The following MTR variants were observed in gnomAD, a reference collection of about 807,000 sequenced individuals.
MTR encodes the protein methionine synthase.
In MTR, 84 loss-of-function variants were observed where a neutral mutation model predicts 154.8. The ratio of observed to expected loss-of-function variants is 0.54; its 90% CI spans 0.45 to 0.65. The LOEUF (loss-of-function observed/expected upper bound fraction) is 0.65, where lower values mean the gene tolerates loss of function less well. Ranked by LOEUF, MTR falls within the 30% of genes least tolerant of loss-of-function variation. The probability of loss-of-function intolerance (pLI) is 0.00; values close to 1 mark genes in which losing one functional copy is unlikely to be tolerated. For synonymous variants in MTR, 554 were observed against 553.9 expected (o/e 1.00, Z 0.00); for missense variants, 1,275 against 1,570.2 (o/e 0.81, Z 3.18).
rs1240013624 is a variant in MTR, at chr1:236,826,909, T to A, written c.995+13T>A. 1 of 1,604,342 alleles carries A rather than the reference T, an allele frequency of 6.2e-7. No homozygotes were observed. The highest frequency in any genetic ancestry group is 1.7e-5 in the Admixed American group (1 of 59,994). On this transcript the variant is annotated intron_variant, in intron 11 of 32. Coordinates refer to ENST00000366577, the MANE Select transcript of MTR (RefSeq NM_000254.3). ...CAGATCATATCAGGTAATAATCACC[T>A]ATAGACAATATATCTAAAACCAAGT...
At chr1:236,855,105 A>G (rs533475920) in intron 18 of MTR, among the ~76,000 whole-genome samples, 1 of 152,298 alleles carries the variant, frequency 6.6e-6, no homozygotes, top group South Asian at 2.1e-4. Context: ...ATTCCTTAGG[A>G]TGCGCTGAGT....
intron 18 of MTR, among the ~76,000 whole-genome samples, chr1:236,854,456 G>A (rs569695547): frequency 1.1e-4 from 16 of 152,270 alleles, no homozygotes; most frequent in African/African-American, 3.6e-4. Context: ...CACATAGAGT[G>A]CTTAGCCCTG....
chr1:236,861,833 A>G (rs532669257), intron 20 of MTR, among the ~76,000 whole-genome samples: 2 of 152,212 alleles, frequency 1.3e-5, no homozygotes, highest in Non-Finnish European at 2.9e-5. Context: ...TCTTGCCTTA[A>G]TGTAAGACTG....
chr1:236,861,099 T>TTTTTTTTTTTTTTTTTC (rs1332435734), intron 19 of MTR, 26 bp from the exon 20 acceptor site: 1 of 984,000 alleles, frequency 1.0e-6, no homozygotes, highest in Non-Finnish European at 1.4e-6. Context: ...TTCTTTTTCT[T>TTTTTTTTTTTTTTTTTC]TTTTTTTTTT....
chr1:236,838,444 G>T lies in MTR; in HGVS notation c.1360G>T (p.Ala454Ser). The change falls in exon 15 of 33, where the codon GCT (alanine) becomes TCT (serine). Residue 454 changes from alanine (A) to serine (S), a missense_variant. By Grantham distance (99) the Ala-to-Ser change is moderately conservative. Coordinates refer to ENST00000366577, the MANE Select transcript of MTR (RefSeq NM_000254.3). Reference sequence around the variant, plus strand: ...TTTGTGCATCGACTCCTCCAATTTTGCTGTGATTGAAGCTGGGTTAAAGTG... The same window carrying T: ...TTTGTGCATCGACTCCTCCAATTTTTCTGTGATTGAAGCTGGGTTAAAGTG... ...VPLCIDSSNF[A>S]VIEAGLKCCQ... The T allele has an allele frequency of 6.2e-7, 1 of 1,614,064 alleles. No homozygotes were observed. The highest frequency in any genetic ancestry group is 1.1e-5 in the South Asian group (1 of 91,070).
chr1:236,808,085 T>A (rs1343253671), intron 3 of MTR, among the ~76,000 whole-genome samples: 1 of 152,210 alleles, frequency 6.6e-6, no homozygotes, highest in Non-Finnish European at 1.5e-5. Flanking sequence ...GTCTAGTTTC[T>A]CCTGACTTGG....
intron 26 of MTR, among the ~76,000 whole-genome samples, 156 bp from the exon 27 acceptor site, chr1:236,886,136 G>A (rs1665997304): frequency 6.6e-6 from 1 of 152,340 alleles, no homozygotes; most frequent in African/African-American, 2.4e-5. Context: ...GAAACCGACT[G>A]GGTAGAAAAG....
chr1:236,835,693 A>G lies in MTR; in HGVS notation c.1329+6A>G, dbSNP rs1321512093. ...CCGAGCCAGACATCGCAAAGGTTATACAAAGTTTATGTTTATCAGGGGGAT... is the reference window on the plus strand; with the variant it reads ...CCGAGCCAGACATCGCAAAGGTTATGCAAAGTTTATGTTTATCAGGGGGAT... On this transcript the variant is annotated splice_donor_region_variant and intron_variant, in intron 14 of 32. Transcript: ENST00000366577. 3 of 1,613,178 alleles carry G rather than the reference A, an allele frequency of 1.9e-6. No individual in the cohort carries two copies. Among genetic ancestry groups the G allele is most frequent in the Admixed American group, 3.3e-5 (2 of 59,862 alleles).
chr1:236,799,367 C>T (rs1348473799), intron 1 of MTR, among the ~76,000 whole-genome samples: 1 of 152,010 alleles, frequency 6.6e-6, no homozygotes, highest in Non-Finnish European at 1.5e-5. Flanking sequence ...CAGTGATCCA[C>T]CTACTTTGGT....
Position 236,895,550 on chromosome 1 carries a change from G to A in MTR, c.3598G>A (p.Gly1200Ser), listed in dbSNP as rs1430971744. 2 of 1,566,614 alleles carry A rather than the reference G, an allele frequency of 1.3e-6. No homozygotes were observed. Among genetic ancestry groups the A allele is most frequent in the African/African-American group, 1.4e-5 (1 of 73,726 alleles). Residue 1200 changes from glycine (G) to serine (S), a missense_variant and splice_region_variant, in exon 31 of 33, where the codon GGC becomes AGC. Physicochemically the swap from Gly to Ser is moderately conservative, Grantham distance 56. Coordinates refer to ENST00000366577, the MANE Select transcript of MTR (RefSeq NM_000254.3). ...ACTCGCAGACATCGAGCAGTCTACA[G>A]GTAGGAGCCAGGAGGCTGCGGGTTC... ...WRLADIEQST[G>S]IRLTESLAMA...
In MTR at chr1:236,835,680, T is replaced by C; in HGVS notation, c.1322T>C (p.Ile441Thr). Residue 441 changes from isoleucine to threonine, a missense_variant, in exon 14 of 33, where the codon ATC (isoleucine) becomes ACC (threonine). Coordinates refer to ENST00000366577, the MANE Select transcript of MTR (RefSeq NM_000254.3). Reference sequence around the variant, plus strand: ...AACTTAATTGCTTCCGAGCCAGACATCGCAAAGGTTATACAAAGTTTATGT... The same window carrying C: ...AACTTAATTGCTTCCGAGCCAGACACCGCAAAGGTTATACAAAGTTTATGT... Reference protein sequence around the residue: ...FCNLIASEPDIAKVPLCIDSS... With the variant: ...FCNLIASEPDTAKVPLCIDSS... 1 of 1,612,878 alleles carries C rather than the reference T, an allele frequency of 6.2e-7. No homozygotes were observed. Among genetic ancestry groups the C allele is most frequent in the Admixed American group, 1.7e-5 (1 of 59,812 alleles).
chr1:236,818,148 T>C (rs999551829), intron 8 of MTR, among the ~76,000 whole-genome samples: 5 of 152,234 alleles, frequency 3.3e-5, no homozygotes, highest in African/African-American at 1.2e-4. Context: ...TAAATGACAC[T>C]GTAATGGATA....
intron 15 of MTR, among the ~76,000 whole-genome samples, chr1:236,847,765 C>T (rs1663666101): frequency 6.6e-6 from 1 of 152,202 alleles, no homozygotes; most frequent in Admixed American, 6.5e-5. Flanking sequence ...TTATAAAAAA[C>T]AAGCAAACAG....
chr1:236,865,135 A>G (rs1664754942), intron 22 of MTR, among the ~76,000 whole-genome samples: 1 of 152,256 alleles, frequency 6.6e-6, no homozygotes, highest in African/African-American at 2.4e-5. Flanking sequence ...ACTGAATGTC[A>G]GCAGTTGTGA....
Position 236,863,499 on chromosome 1 carries a change from G to C in MTR, c.2350G>C (p.Val784Leu), listed in dbSNP as rs940351904. 1 of 1,613,958 alleles carries C rather than the reference G, an allele frequency of 6.2e-7. No individual in the cohort carries two copies. The highest frequency in any genetic ancestry group is 1.3e-5 in the African/African-American group (1 of 74,930). ...TIVLATVKGD[V>L]HDIGKNIVGV... ...CGTGCTGGCCACTGTTAAAGGCGAC[G>C]TGCACGACATAGGCAAGAACATAGT... Residue 784 changes from valine to leucine, a missense_variant, in exon 22 of 33, where the codon GTG becomes CTG. Coordinates refer to ENST00000366577, the MANE Select transcript of MTR (RefSeq NM_000254.3).
chr1:236,869,754 G>A (rs1286214932), intron 22 of MTR, among the ~76,000 whole-genome samples: 1 of 151,898 alleles, frequency 6.6e-6, no homozygotes, highest in Non-Finnish European at 1.5e-5. Flanking sequence ...GGCACAGAGG[G>A]CAGGCTGGAT....
intron 16 of MTR, among the ~76,000 whole-genome samples, chr1:236,851,103 T>G (rs1448760762): frequency 6.6e-6 from 1 of 152,238 alleles, no homozygotes; most frequent in Admixed American, 6.5e-5. Context: ...CAAATTCATG[T>G]ACTTACTGAA....
chr1:236,809,993 A>T (rs1165060734), intron 4 of MTR, among the ~76,000 whole-genome samples: 2 of 152,224 alleles, frequency 1.3e-5, no homozygotes, highest in African/African-American at 4.8e-5. Flanking sequence ...ACTAGAGAGC[A>T]TTTCAAGTTA....
chr1:236,810,034 T>TA (rs1436489596), intron 4 of MTR, among the ~76,000 whole-genome samples: 3 of 152,226 alleles, frequency 2.0e-5, no homozygotes, highest in African/African-American at 4.8e-5. Flanking sequence ...TTGCAGAACT[T>TA]ACGTTAAGTT....
Sources: allele counts gnomAD v4.1 joint callset (sites outside exome capture counted in the v4.1 genomes callset), GRCh38; gene constraint gnomAD v4.1.1; transcripts MANE v1.5; gene names NCBI Gene and HGNC (gene_info 2026-07-23, HGNC 2026-07-21).